Variants in EPS8L2 observed in about 807,000 individuals in gnomAD.
EPS8L2 encodes EPS8 signaling adaptor L2.
In EPS8L2, 81 loss-of-function variants were observed where a neutral mutation model predicts 99.4. The ratio of observed to expected loss-of-function variants is 0.82; its 90% CI spans 0.68 to 0.98. The LOEUF (loss-of-function observed/expected upper bound fraction) is 0.98. Ranked by LOEUF, EPS8L2 falls within the 50% of genes least tolerant of loss-of-function variation. EPS8L2 has a pLI of 0.00. For missense variants in EPS8L2, 1,155 were observed against 968.8 expected (o/e 1.19, Z -2.55); for synonymous variants, 509 against 407.3 (o/e 1.25, Z -3.01).
chr11:710,360 C>A, intron 3 of EPS8L2, 62 bp from the exon 4 acceptor site: 1 of 1,519,518 alleles, frequency 6.6e-7, no homozygotes, highest in South Asian at 1.1e-5. Flanking sequence ...GGTCCAGTCC[C>A]AACTGGACGG....
At position 722,740 on chromosome 11, in the gene EPS8L2, C is replaced by T. The variant is rs373162269; in HGVS notation, c.1276C>T (p.Pro426Ser). The change falls in exon 14 of 21, where the codon CCT becomes TCT. Residue 426 changes from proline to serine, a missense_variant. Physicochemically the swap from Pro to Ser is moderately conservative, Grantham distance 74 (BLOSUM62 -1). Coordinates refer to ENST00000318562, the MANE Select transcript of EPS8L2 (RefSeq NM_022772.4). ...CAAGTTCCACAGCGGCTGGGAGCCT[C>T]CTGTGGATGTGCTGCAGGAGGCCCC... ...VPKFHSGWEPPVDVLQEAPWE... is the reference protein window; with the variant it reads ...VPKFHSGWEPSVDVLQEAPWE... The T allele has an allele frequency of 5.0e-6, 8 of 1,606,354 alleles. No homozygotes were observed. The highest frequency in any genetic ancestry group is 6.8e-6 in the Non-Finnish European group (8 of 1,177,372).
intron 4 of EPS8L2, 34 bp downstream of exon 4, chr11:710,520 A>T (rs760908504): frequency 1.3e-6 from 2 of 1,584,050 alleles, no homozygotes; most frequent in Non-Finnish European, 1.7e-6. Flanking sequence ...CTCCGCCCCC[A>T]GGGAGCACCC....
At position 724,096 on chromosome 11, in the gene EPS8L2, C is replaced by T. The variant is rs1172194595; in HGVS notation, c.1455-628C>T. On this transcript the variant is annotated intron_variant, in intron 15 of 20. Coordinates refer to ENST00000318562, the MANE Select transcript of EPS8L2 (RefSeq NM_022772.4). The surrounding 1 kb of genome is among the most constrained non-coding windows in gnomAD (Gnocchi z 5.5). ...GCCATGTCCTGACAGTCCATGGCCA[C>T]TTCATTTCCCTGAGCACCTGGACAC... is the stretch of plus-strand genomic sequence containing the variant. Among the ~76,000 whole-genome samples, 1 of 152,226 alleles carries T rather than the reference C, an allele frequency of 6.6e-6. No individual in the cohort carries two copies. Among genetic ancestry groups the T allele is most frequent in the Non-Finnish European group, 1.5e-5 (1 of 68,038 alleles).
chr11:719,246 T>TG (rs1862094542), intron 4 of EPS8L2, among the ~76,000 whole-genome samples: 1 of 152,184 alleles, frequency 6.6e-6, no homozygotes, highest in African/African-American at 2.4e-5. Context: ...GGATGATAGA[T>TG]GTGAGCCACC....
intron 7 of EPS8L2, 47 bp downstream of exon 7, chr11:720,956 AGCCCGGCAGGGGAGGGGAGG>A (rs770313513): frequency 1.5e-5 from 19 of 1,234,990 alleles, no homozygotes; most frequent in African/African-American, 1.8e-5. Flanking sequence ...GGAGGGGAGG[AGCCCGGCAGGGGAGGGGAGG>A]AGCCGGCAGG....
chr11:724,905 G>A lies in EPS8L2; in HGVS notation c.1560+76G>A, dbSNP rs1862275641. The A allele has an allele frequency of 2.6e-6, 3 of 1,167,758 alleles. No homozygotes were observed. The highest frequency in any genetic ancestry group is 3.8e-6 in the Non-Finnish European group (3 of 789,270). The allele number at this position is 1,167,758 out of a possible 1,614,324, so 72.3% of individuals were successfully genotyped here. ...AAGGGAGGGGCTACCAGGGGAGGTG[G>A]GGAGCGGTCTAGGGCCAGGCTGGGT... On this transcript the variant is annotated intron_variant, in intron 16 of 20. Coordinates refer to ENST00000318562, the MANE Select transcript of EPS8L2 (RefSeq NM_022772.4). This position sits in a 1 kb window ranked among gnomAD's most constrained non-coding sequence, Gnocchi z 5.5.
At chr11:721,715 G>C in intron 10 of EPS8L2, 24 bp downstream of exon 10, 1 of 1,596,352 alleles carries the variant, frequency 6.3e-7, no homozygotes, top group Non-Finnish European at 8.6e-7. Flanking sequence ...GGACGGGGCC[G>C]GCAGGTGCAG....
intron 16 of EPS8L2, among the ~76,000 whole-genome samples, chr11:725,354 CAT>C (rs1862285260): frequency 6.6e-6 from 1 of 152,184 alleles, no homozygotes; most frequent in East Asian, 1.9e-4. Flanking sequence ...CTACAAAAAA[CAT>C]AAAAATTATC....
In EPS8L2 at chr11:720,728, C is replaced by T; in HGVS notation, c.459C>T (p.Phe153=). ...SEQSKPDVHF[F]HCDEVEAELV... ...AGAGCAAGCCGGATGTCCACTTCTT[C>T]CACTGCGATGAGGTGGAGGTGAGGC... is the stretch of plus-strand genomic sequence containing the variant. Residue 153 remains phenylalanine, a synonymous_variant, in exon 6 of 21, where the codon TTC becomes TTT. Coordinates refer to ENST00000318562, the MANE Select transcript of EPS8L2 (RefSeq NM_022772.4). 3 of 1,584,448 alleles carry T rather than the reference C, an allele frequency of 1.9e-6. No individual in the cohort carries two copies. The highest frequency in any genetic ancestry group is 2.6e-6 in the Non-Finnish European group (3 of 1,166,440).
intron 7 of EPS8L2, 34 bp downstream of exon 7, chr11:720,943 C>CGGGGAGGGGAGGAGCCCAGCA: frequency 2.0e-6 from 1 of 502,470 alleles, no homozygotes; most frequent in Non-Finnish European, 2.8e-6. Context: ...TCGCAGGGGG[C>CGGGGAGGGGAGGAGCCCAGCA]GGGGAGGGGA....
intron 19 of EPS8L2, 63 bp downstream of exon 19, chr11:726,547 C>A: frequency 6.6e-7 from 1 of 1,508,450 alleles, no homozygotes; most frequent in East Asian, 2.5e-5. Context: ...GCCGAAGGTG[C>A]GCAGCTGTCG....
chr11:725,596 G>A (rs1862291485), intron 16 of EPS8L2, 132 bp from the exon 17 acceptor site: 1 of 839,540 alleles, frequency 1.2e-6, no homozygotes, highest in Non-Finnish European at 1.6e-6. Flanking sequence ...AAACAGGGGT[G>A]CGGAGAGAAT....
rs1216460757 is a variant in EPS8L2 at position 726,940 on chromosome 11, A to G, written c.2107A>G (p.Lys703Glu). ...GTCGGAGCTGGAAGAACTCATGAAC[A>G]AGTTTCATTCCATGAATCAGAGGAG... Reference protein sequence around the residue: ...SGSELEELMNKFHSMNQRRGE... With the variant: ...SGSELEELMNEFHSMNQRRGE... The change falls in exon 21 of 21, where the codon AAG (lysine) becomes GAG (glutamate). Residue 703 changes from lysine to glutamate, a missense_variant. By Grantham distance (56) the Lys-to-Glu change is moderately conservative. Coordinates refer to ENST00000318562, the MANE Select transcript of EPS8L2 (RefSeq NM_022772.4). 5 of 1,613,428 alleles carry G rather than the reference A, an allele frequency of 3.1e-6. No homozygotes were observed. The highest frequency in any genetic ancestry group is 1.7e-5 in the Admixed American group (1 of 59,998).
In EPS8L2 at chr11:726,491, G is replaced by A. The variant is rs1411733122; in HGVS notation, c.1934+7G>A. ...CCAAGGCCTTCAGCCCGCGGTGAGCGGGGGCGGGGGATGAGCTGGGGCCCG... is the reference window on the plus strand; with the variant it reads ...CCAAGGCCTTCAGCCCGCGGTGAGCAGGGGCGGGGGATGAGCTGGGGCCCG... On this transcript the variant is annotated splice_region_variant and intron_variant, in intron 19 of 20. Transcript: ENST00000318562. 1.3e-6 allele frequency: 2 copies of A among 1,546,242 alleles called. No individual in the cohort carries two copies. Among genetic ancestry groups the A allele is most frequent in the African/African-American group, 1.4e-5 (1 of 72,642 alleles).
rs183592107 is a variant in EPS8L2 at position 724,802 on chromosome 11, A to C, written c.1533A>C (p.Leu511=). The change falls in exon 16 of 21, where the codon CTA becomes CTC. Residue 511 remains leucine (L), a synonymous_variant. Transcript: ENST00000318562. The surrounding 1 kb of genome is among the most constrained non-coding windows in gnomAD (Gnocchi z 5.5). The part of the protein sequence containing the change: ...YDFTARNANE[L]SVLKDEVLEV... The stretch of plus-strand genomic sequence containing the variant: ...TCACAGCCCGAAATGCCAACGAGCT[A>C]TCGGTGCTCAAGGATGAGGTCCTAG... 1 of 1,613,422 alleles carries C rather than the reference A, an allele frequency of 6.2e-7. No homozygotes were observed. Among genetic ancestry groups the C allele is most frequent in the Admixed American group, 1.7e-5 (1 of 60,018 alleles).
chr11:724,458 G>T lies in EPS8L2; in HGVS notation c.1455-266G>T. 1 of 500,220 alleles carries T rather than the reference G, an allele frequency of 2.0e-6. No individual in the cohort carries two copies. The highest frequency in any genetic ancestry group is 2.2e-5 in the South Asian group (1 of 46,426). The allele number at this position is 500,220 out of a possible 1,614,324, so 31.0% of individuals were successfully genotyped here. A position where few individuals can be genotyped will look rare whatever the true frequency, so the allele number is the denominator to read the frequency against. On this transcript the variant is annotated intron_variant, in intron 15 of 20. Transcript: ENST00000318562. This position sits in a 1 kb window ranked among gnomAD's most constrained non-coding sequence, Gnocchi z 5.5. Reference sequence around the variant, plus strand: ...GACTGGAGACCCCTGAGGTGGCCTGGGATGGGCCAGCCTTGCTGTACCACA... The same window carrying T: ...GACTGGAGACCCCTGAGGTGGCCTGTGATGGGCCAGCCTTGCTGTACCACA...
rs764041482 is a variant in EPS8L2, at chr11:721,925, A to C, written c.918A>C (p.Ala306=). ...APAEGVLTLR[A]RPPSEGEFID... Reference sequence around the variant, plus strand: ...CAGAGGGCGTCCTCACACTGCGGGCACGGCCCCCCTCTGAGGGCGAGTTCA... The same window carrying C: ...CAGAGGGCGTCCTCACACTGCGGGCCCGGCCCCCCTCTGAGGGCGAGTTCA... The change falls in exon 11 of 21, where the codon GCA becomes GCC. Residue 306 remains alanine (A), a synonymous_variant. Transcript: ENST00000318562. 6.3e-7 allele frequency: 1 copy of C among 1,595,388 alleles called. No individual in the cohort carries two copies. The highest frequency in any genetic ancestry group is 2.3e-5 in the East Asian group (1 of 43,688).
chr11:722,736 G>A lies in EPS8L2; in HGVS notation c.1272G>A (p.Glu424=). The change falls in exon 14 of 21, where the codon GAG becomes GAA. Residue 424 remains glutamate, a synonymous_variant. Coordinates refer to ENST00000318562, the MANE Select transcript of EPS8L2 (RefSeq NM_022772.4). ...LYVPKFHSGW[E]PPVDVLQEAP... ...TGCCCAAGTTCCACAGCGGCTGGGAGCCTCCTGTGGATGTGCTGCAGGAGG... is the reference window on the plus strand; with the variant it reads ...TGCCCAAGTTCCACAGCGGCTGGGAACCTCCTGTGGATGTGCTGCAGGAGG... 6.2e-7 allele frequency: 1 copy of A among 1,606,516 alleles called. No homozygotes were observed. The highest frequency in any genetic ancestry group is 8.5e-7 in the Non-Finnish European group (1 of 1,177,394).
At chr11:722,034 G>C in intron 11 of EPS8L2, 43 bp downstream of exon 11, 3 of 1,608,694 alleles carry the variant, frequency 1.9e-6, no homozygotes, top group Non-Finnish European at 2.5e-6. Context: ...TCTGTGCTGA[G>C]GGGAGGGTGG....
Sources: gnomAD v4.1 joint callset for allele counts (sites outside exome capture counted in the v4.1 genomes callset) on GRCh38, gnomAD v4.1.1 for gene constraint, Gnocchi (gnomAD v3.1) non-coding constraint, MANE v1.5 for transcripts, NCBI Gene and HGNC (gene_info 2026-07-23, HGNC 2026-07-21) for gene names.